The following GSN variants were observed in gnomAD, a reference collection of about 807,000 sequenced individuals.
The protein encoded by GSN is actin-depolymerizing factor.
Under a neutral mutation model 85.7 loss-of-function variants are expected in GSN, and 56 were observed. That is an observed-to-expected ratio of 0.65 (90% CI 0.53 to 0.82). The LOEUF is 0.82. Among genes scored for constraint, GSN ranks in the 40% least tolerant of loss-of-function variants. The pLI, the probability that GSN is intolerant of heterozygous loss-of-function variation, is 0.00. For synonymous variants in GSN, 373 were observed against 399.1 expected (o/e 0.93, Z 0.78); for missense variants, 857 against 979.8 (o/e 0.87, Z 1.67).
the GSN span, among the ~76,000 whole-genome samples, chr9:121,202,237 C>T: frequency 6.6e-6 from 1 of 152,360 alleles, no homozygotes; most frequent in Admixed American, 6.5e-5. Flanking sequence ...CCAACATTTA[C>T]CACTTATTGG....
intron 5 of GSN, chr9:121,239,412 G>A: frequency 2.3e-6 from 1 of 426,294 alleles, no homozygotes; most frequent in Non-Finnish European, 4.6e-6. Context: ...TGAAGAACCA[G>A]GCAGTTTCCA....
At chr9:121,313,816 C>T (rs1178290651) in intron 6 of GSN, 118 bp from the exon 7 acceptor site, 2 of 819,988 alleles carry the variant, frequency 2.4e-6, no homozygotes, top group East Asian at 4.9e-5. Context: ...GGAGGTCAGA[C>T]TCCATGGGGA....
In GSN at chr9:121,255,010, G is replaced by A. The variant is rs372462789; in HGVS notation, c.-341+6687G>A. Among the ~76,000 whole-genome samples, 18 of 152,160 alleles carry A rather than the reference G, an allele frequency of 1.2e-4. No individual in the cohort carries two copies. In the East Asian group the frequency reaches 2.3e-3, roughly 20 times the overall value. The stretch of plus-strand genomic sequence containing the variant: ...TGTCGCCCAGGCTGGAGTCAGTGGC[G>A]TGATCTCGGCTCACTGCAAGCTCTG... On this transcript the variant is annotated intron_variant, in intron 6 of 24. Transcript: ENST00000373823.
At chr9:121,305,156 G>A (rs1348278353) in intron 4 of GSN, among the ~76,000 whole-genome samples, 3 of 152,210 alleles carry the variant, frequency 2.0e-5, no homozygotes, top group African/African-American at 7.2e-5. Flanking sequence ...TAGGCTCCCG[G>A]ATTTTTAGGA....
chr9:121,203,378 C>CAT (rs1263774239), upstream of GSN: 4 of 151,572 alleles, frequency 2.6e-5, no homozygotes, highest in Non-Finnish European at 5.9e-5. Context: ...GTAATGGGAT[C>CAT]ATACCTGTGA....
At chr9:121,255,073 C>G (rs955915099) in intron 6 of GSN, among the ~76,000 whole-genome samples, 1 of 152,032 alleles carries the variant, frequency 6.6e-6, no homozygotes, top group Non-Finnish European at 1.5e-5. Flanking sequence ...CTCAGCCTCC[C>G]GAGTAGCTGG....
chr9:121,312,649 A>G lies in GSN; in HGVS notation c.663+161A>G, dbSNP rs1270553268. The G allele has an allele frequency of 6.3e-6, 4 of 634,278 alleles. No homozygotes were observed. In the African/African-American group the frequency reaches 7.9e-5, roughly 13 times the overall value. The allele number at this position is 634,278 out of a possible 1,614,324, so 39.3% of individuals were successfully genotyped here. A position where few individuals can be genotyped will look rare whatever the true frequency, so the allele number is the denominator to read the frequency against. On this transcript the variant is annotated intron_variant, in intron 6 of 17. Coordinates refer to ENST00000432226, the MANE Select transcript of GSN (RefSeq NM_198252.3). Reference sequence around the variant, plus strand: ...ACTTTTTTATTTTAATTTTTGAGACAGGATCTTATTCATTGTTGCCTGAGC... The same window carrying G: ...ACTTTTTTATTTTAATTTTTGAGACGGGATCTTATTCATTGTTGCCTGAGC...
At chr9:121,305,346 A>G (rs1402546392) in intron 4 of GSN, among the ~76,000 whole-genome samples, 1 of 152,346 alleles carries the variant, frequency 6.6e-6, no homozygotes, top group South Asian at 2.1e-4. Flanking sequence ...GGTGCTTGTC[A>G]TTGAACACTT....
intron 3 of GSN, 144 bp downstream of exon 3, chr9:121,302,311 C>A: frequency 1.1e-6 from 1 of 949,214 alleles, no homozygotes; most frequent in Non-Finnish European, 1.6e-6. Flanking sequence ...CCCTGAGACG[C>A]TAGAGCCAGC....
rs747549477 is a variant in GSN, at chr9:121,326,643, G to A, written c.1548G>A (p.Gln516=). Residue 516 remains glutamine (Q), a synonymous_variant, in exon 13 of 18, where the codon CAG becomes CAA. Transcript: ENST00000432226. ...CCCCTGCCAGCACCCGCCTCTTCCA[G>A]GTCCGCGCCAACAGCGCTGGAGCCA... The part of the protein sequence containing the change: ...QTAPASTRLF[Q]VRANSAGATR... 6.2e-7 allele frequency: 1 copy of A among 1,608,458 alleles called. No individual in the cohort carries two copies. The highest frequency in any genetic ancestry group is 1.1e-5 in the South Asian group (1 of 90,366).
chr9:121,304,234 G>A (rs1262366390), intron 4 of GSN, among the ~76,000 whole-genome samples: 1 of 152,220 alleles, frequency 6.6e-6, no homozygotes, highest in Non-Finnish European at 1.5e-5. Context: ...GATAGCAATG[G>A]GCAGGGTGTG....
intron 4 of GSN, among the ~76,000 whole-genome samples, chr9:121,305,762 G>A (rs965476104): frequency 7.9e-5 from 12 of 152,212 alleles, no homozygotes; most frequent in Admixed American, 3.3e-4. Context: ...GTGTGAATGG[G>A]AGGCCCAGGG....
At chr9:121,270,542 C>T (rs905835205) in intron 1 of GSN, among the ~76,000 whole-genome samples, 3 of 152,228 alleles carry the variant, frequency 2.0e-5, no homozygotes, top group Non-Finnish European at 4.4e-5. Context: ...AAGCAGACAA[C>T]AGGCTAGACC....
At chr9:121,310,904 A>G in intron 5 of GSN, 59 bp downstream of exon 5, 1 of 1,495,324 alleles carries the variant, frequency 6.7e-7, no homozygotes, top group Non-Finnish European at 9.3e-7. Flanking sequence ...CTGATCAGGG[A>G]CTTGGGTACA....
rs750434657 is a variant in GSN, at chr9:121,326,629, A to G, written c.1534A>G (p.Thr512Ala). Reference protein sequence around the residue: ...REGGQTAPASTRLFQVRANSA... With the variant: ...REGGQTAPASARLFQVRANSA... ...GGGCGGGCAGACAGCCCCTGCCAGC[A>G]CCCGCCTCTTCCAGGTCCGCGCCAA... The change falls in exon 13 of 18, where the codon ACC (threonine) becomes GCC (alanine). Residue 512 changes from threonine to alanine, a missense_variant. Coordinates refer to ENST00000432226, the MANE Select transcript of GSN (RefSeq NM_198252.3). 6.3e-7 allele frequency: 1 copy of G among 1,594,078 alleles called. No homozygotes were observed.
intron 11 of GSN, among the ~76,000 whole-genome samples, chr9:121,321,908 AT>A (rs1236047793): frequency 6.6e-6 from 1 of 151,850 alleles, no homozygotes; most frequent in Non-Finnish European, 1.5e-5. Context: ...TGCCTGGCTA[AT>A]TTTTTGTATT....
intron 4 of GSN, among the ~76,000 whole-genome samples, chr9:121,225,409 CAA>C (rs2054254683): frequency 6.6e-6 from 1 of 152,170 alleles, no homozygotes; most frequent in East Asian, 1.9e-4. Context: ...ATAGGATTAG[CAA>C]AGATAATGCC....
At position 121,317,094 on chromosome 9, in the gene GSN, T is replaced by C. The variant is rs1474041085; in HGVS notation, c.762T>C (p.Asn254=). The stretch of plus-strand genomic sequence containing the variant: ...CTGCTTCGTCCCCTCAGGTCTCCAA[T>C]GGTGCAGGGACCATGTCCGTCTCCC... ...RKLAKLYKVS[N]GAGTMSVSLV... The change falls in exon 8 of 18, where the codon AAT becomes AAC. Residue 254 remains asparagine, a synonymous_variant. Coordinates refer to ENST00000432226, the MANE Select transcript of GSN (RefSeq NM_198252.3). 2 of 1,614,182 alleles carry C rather than the reference T, an allele frequency of 1.2e-6. No homozygotes were observed. Among genetic ancestry groups the C allele is most frequent in the Non-Finnish European group, 1.7e-6 (2 of 1,180,022 alleles).
chr9:121,282,284 C>T (rs952469345), intron 2 of GSN: 4 of 600,932 alleles, frequency 6.7e-6, no homozygotes, highest in Non-Finnish European at 1.2e-5. Flanking sequence ...TTGTAGATGC[C>T]AAAGGGCTTT....
Sources: gnomAD v4.1 joint callset for allele counts (sites outside exome capture counted in the v4.1 genomes callset) on GRCh38, gnomAD v4.1.1 for gene constraint, MANE v1.5 for transcripts, NCBI Gene and HGNC (gene_info 2026-07-23, HGNC 2026-07-21) for gene names.